Variants in INCENP observed in about 807,000 individuals in gnomAD.
The protein encoded by INCENP is binds and activates aurora-B and -C in vivo and in vitro.
In INCENP, 43 loss-of-function variants were observed where a neutral mutation model predicts 107.3. That is an observed-to-expected ratio of 0.40 (90% confidence interval 0.31 to 0.52). The LOEUF is 0.52. Ranked by LOEUF, INCENP falls within the 20% of genes least tolerant of loss-of-function variation. The pLI, the probability that INCENP is intolerant of heterozygous loss-of-function variation, is 0.53. For synonymous variants in INCENP, 488 were observed against 494.4 expected, an observed-to-expected ratio of 0.99 and a Z score of 0.17; for missense variants, 1,089 against 1,250.9, an observed-to-expected ratio of 0.87 and a Z score of 1.95.
At chr11:62,129,488 A>G (rs1943832280) in intron 3 of INCENP, among the ~76,000 whole-genome samples, 1 of 152,150 alleles carries the variant, frequency 6.6e-6, no homozygotes, top group Non-Finnish European at 1.5e-5. Flanking sequence ...GGCTTTCAGC[A>G]GGGGCTCGGT....
Position 62,140,945 on chromosome 11 carries a change from A to T in INCENP, c.1494A>T (p.Thr498=). ...VVRPLRTFLH[T]VQRNQMLMTP... ...GGCCCCTCCGGACCTTTCTGCACAC[A>T]GTGCAGAGGAACCAGATGCTCATGA... Residue 498 remains threonine (T), a synonymous_variant, in exon 10 of 19, where the codon ACA becomes ACT. Coordinates refer to ENST00000394818, the MANE Select transcript of INCENP (RefSeq NM_001040694.2). 3.1e-6 allele frequency: 5 copies of T among 1,614,156 alleles called. No homozygotes were observed. The highest frequency in any genetic ancestry group is 4.2e-6 in the Non-Finnish European group (5 of 1,179,988).
intron 18 of INCENP, among the ~76,000 whole-genome samples, chr11:62,150,891 C>T (rs564047706): frequency 1.3e-5 from 2 of 152,140 alleles, no homozygotes; most frequent in African/African-American, 2.4e-5. Context: ...GGGGTGCAGA[C>T]GCCCCAGAGG....
chr11:62,137,711 T>C (rs1944022079), intron 4 of INCENP, 121 bp from the exon 5 acceptor site: 2 of 833,008 alleles, frequency 2.4e-6, no homozygotes, highest in African/African-American at 1.7e-5. Flanking sequence ...TGGTGGGGGC[T>C]CCACGGCTAG....
At chr11:62,148,644 G>T in intron 16 of INCENP, 90 bp downstream of exon 16, 2 of 1,452,500 alleles carry the variant, frequency 1.4e-6, no homozygotes, top group Non-Finnish European at 1.9e-6. Context: ...CCTAGGGAGG[G>T]GAGGGAAAGG....
chr11:62,134,976 G>A (rs1436857310), intron 4 of INCENP, among the ~76,000 whole-genome samples: 3 of 152,064 alleles, frequency 2.0e-5, no homozygotes, highest in African/African-American at 2.4e-5. Flanking sequence ...GCTTGAAACC[G>A]GGAGGTGGAG....
intron 5 of INCENP, among the ~76,000 whole-genome samples, chr11:62,138,150 G>A (rs570830532): frequency 3.3e-5 from 5 of 152,322 alleles, no homozygotes; most frequent in Non-Finnish European, 5.9e-5. Context: ...GGGGTGAGGC[G>A]GGGCTGCCAG....
At chr11:62,146,416 G>A (rs1944243575) in intron 14 of INCENP, among the ~76,000 whole-genome samples, 1 of 152,256 alleles carries the variant, frequency 6.6e-6, no homozygotes, top group African/African-American at 2.4e-5. Flanking sequence ...TAGCTAGCGA[G>A]TTTGGCTCCG....
At chr11:62,135,902 C>T (rs1392394605) in intron 4 of INCENP, among the ~76,000 whole-genome samples, 3 of 152,028 alleles carry the variant, frequency 2.0e-5, no homozygotes, top group Non-Finnish European at 2.9e-5. Context: ...CTCCGCCTCC[C>T]GGGTTCACGC....
At chr11:62,131,574 A>G (rs1943894381) in intron 4 of INCENP, among the ~76,000 whole-genome samples, 2 of 152,160 alleles carry the variant, frequency 1.3e-5, no homozygotes, top group Admixed American at 6.5e-5. Context: ...AGCTTGTACG[A>G]AGACCCTGAT....
At chr11:62,148,002 C>T (rs1393129696) in intron 15 of INCENP, among the ~76,000 whole-genome samples, 2 of 152,162 alleles carry the variant, frequency 1.3e-5, no homozygotes, top group Non-Finnish European at 2.9e-5. Flanking sequence ...CAGGGGGAAA[C>T]AGGTCCAGAG....
At chr11:62,139,571 A>G (rs1316969366) in intron 7 of INCENP, among the ~76,000 whole-genome samples, 2 of 152,220 alleles carry the variant, frequency 1.3e-5, no homozygotes, top group African/African-American at 4.8e-5. Flanking sequence ...GACAATGGTC[A>G]TGCCAGCCCT....
At chr11:62,133,374 C>G (rs1943929445) in intron 4 of INCENP, among the ~76,000 whole-genome samples, 1 of 152,074 alleles carries the variant, frequency 6.6e-6, no homozygotes, top group South Asian at 2.1e-4. Context: ...GAGTGTGGCC[C>G]CGGGGCGTGG....
chr11:62,136,622 A>G (rs774825347), intron 4 of INCENP, among the ~76,000 whole-genome samples: 1 of 152,224 alleles, frequency 6.6e-6, no homozygotes, highest in Non-Finnish European at 1.5e-5. Context: ...TGGAGGTTGC[A>G]GTGAGCTGAG....
In INCENP at chr11:62,141,485, T is replaced by A; in HGVS notation, c.1594-15T>A. The stretch of plus-strand genomic sequence containing the variant: ...CTGGCATTAACTCTTGCCTTTTCCC[T>A]TGTCTCCTCCACAGTGCAGCTTCGT... On this transcript the variant is annotated splice_polypyrimidine_tract_variant and intron_variant, in intron 10 of 18. Transcript: ENST00000394818. The A allele has an allele frequency of 1.9e-6, 3 of 1,613,994 alleles. No individual in the cohort carries two copies. The highest frequency in any genetic ancestry group is 2.5e-6 in the Non-Finnish European group (3 of 1,179,870).
intron 5 of INCENP, 103 bp from the exon 6 acceptor site, chr11:62,138,610 G>A (rs1448067451): frequency 1.8e-6 from 2 of 1,120,242 alleles, no homozygotes; most frequent in Non-Finnish European, 2.6e-6. Flanking sequence ...GGCACCTTGT[G>A]TTGACCTCTT....
At chr11:62,130,915 G>A (rs1176899920) in intron 4 of INCENP, among the ~76,000 whole-genome samples, 1 of 152,208 alleles carries the variant, frequency 6.6e-6, no homozygotes, top group East Asian at 1.9e-4. Context: ...TACAAGTGAG[G>A]AAACTGAGCT....
intron 11 of INCENP, among the ~76,000 whole-genome samples, chr11:62,142,415 GC>G (rs1423991444): frequency 6.6e-6 from 1 of 152,220 alleles, no homozygotes; most frequent in African/African-American, 2.4e-5. Flanking sequence ...GCCGATTAGA[GC>G]CCTGCAGGTC....
At chr11:62,132,911 A>C (rs1164555983) in intron 4 of INCENP, among the ~76,000 whole-genome samples, 1 of 152,204 alleles carries the variant, frequency 6.6e-6, no homozygotes, top group Non-Finnish European at 1.5e-5. Flanking sequence ...CTTTTCTGTG[A>C]AATGGTGATA....
At chr11:62,142,483 A>C (rs1348809445) in intron 11 of INCENP, among the ~76,000 whole-genome samples, 3 of 152,232 alleles carry the variant, frequency 2.0e-5, no homozygotes, top group Non-Finnish European at 4.4e-5. Flanking sequence ...TGGGGATCCC[A>C]GGTCCCTGCA....
Sources: allele counts gnomAD v4.1 joint callset (sites outside exome capture counted in the v4.1 genomes callset), GRCh38; gene constraint gnomAD v4.1.1; transcripts MANE v1.5; gene names NCBI Gene and HGNC (gene_info 2026-07-23, HGNC 2026-07-21).